Variants in GPC6 observed in about 807,000 individuals in gnomAD.
GPC6 encodes glypican 6.
Under a neutral mutation model 55.2 loss-of-function variants are expected in GPC6, and 14 were observed. The ratio of observed to expected loss-of-function variants is 0.25; its 90% confidence interval spans 0.17 to 0.40. The LOEUF is 0.40. GPC6 is among the 10% of genes least tolerant of loss of function. The pLI is 1.00. For missense variants in GPC6, 641 were observed against 708.5 expected (o/e 0.90, Z 1.08); for synonymous variants, 278 against 259.6 (o/e 1.07, Z -0.68).
the GPC6 span, among the ~76,000 whole-genome samples, chr13:93,220,674 T>G: frequency 3.3e-5 from 5 of 152,188 alleles, no homozygotes; most frequent in Non-Finnish European, 7.4e-5. Context: ...TTCCTAATGA[T>G]GTTATGAAAT....
intron 2 of GPC6, among the ~76,000 whole-genome samples, chr13:93,765,265 C>CTGGAAAGACAACTTTCCAGATAAGCTGTT: frequency 6.6e-6 from 1 of 151,972 alleles, no homozygotes; most frequent in Admixed American, 6.6e-5. Flanking sequence ...GATAAGCTGT[C>CTGGAAAGACAACTTTCCAGATAAGCTGTT]TGGAAAGACA....
At chr13:93,784,096 AC>A (rs1374154947) in intron 2 of GPC6, among the ~76,000 whole-genome samples, 1 of 152,200 alleles carries the variant, frequency 6.6e-6, no homozygotes, top group Non-Finnish European at 1.5e-5. Context: ...ACTGCTATGT[AC>A]ATAAAGCAGT....
At chr13:93,839,246 G>C (rs560851353) in intron 3 of GPC6, among the ~76,000 whole-genome samples, 1 of 152,102 alleles carries the variant, frequency 6.6e-6, no homozygotes, top group African/African-American at 2.4e-5. Context: ...GGTGTGCAAA[G>C]CTTGGTTCGT....
intron 3 of GPC6, among the ~76,000 whole-genome samples, chr13:93,977,487 TGTGTGTGTGTGTGTG>T (rs1880574692): frequency 6.8e-6 from 1 of 146,124 alleles, no homozygotes; most frequent in African/African-American, 2.5e-5. Context: ...TGTGTGTGTG[TGTGTGTGTGTGTGTG>T]TGTGTGTGTG....
chr13:93,788,324 T>C (rs1408126467), intron 2 of GPC6, among the ~76,000 whole-genome samples: 2 of 152,096 alleles, frequency 1.3e-5, no homozygotes, highest in East Asian at 3.9e-4. Flanking sequence ...GCCTCTTTTA[T>C]AGGGGCCTTT....
At chr13:93,366,941 A>G (rs944372185) in intron 1 of GPC6, among the ~76,000 whole-genome samples, 78 of 152,202 alleles carry the variant, frequency 5.1e-4, no homozygotes, top group African/African-American at 1.7e-3. Context: ...AATTACTTCA[A>G]TTATTCATTC....
At chr13:93,476,320 G>A (rs889319908) in intron 1 of GPC6, among the ~76,000 whole-genome samples, 1 of 151,926 alleles carries the variant, frequency 6.6e-6, no homozygotes, top group African/African-American at 2.4e-5. Flanking sequence ...GTGCATGCGC[G>A]CAACTAAATA....
chr13:93,814,557 T>G (rs1886791036), intron 2 of GPC6, among the ~76,000 whole-genome samples: 1 of 152,182 alleles, frequency 6.6e-6, no homozygotes, highest in Non-Finnish European at 1.5e-5. Flanking sequence ...TTCCTGTTTG[T>G]ACTTTGGAAC....
chr13:94,260,646 G>A (rs1891630821), intron 4 of GPC6, among the ~76,000 whole-genome samples: 1 of 152,066 alleles, frequency 6.6e-6, no homozygotes, highest in South Asian at 2.1e-4. Context: ...CTGAGGTGCT[G>A]GAAGTTAGGA....
At chr13:94,085,594 A>AT (rs771831649) in intron 4 of GPC6, among the ~76,000 whole-genome samples, 82 of 152,140 alleles carry the variant, frequency 5.4e-4, no homozygotes, top group Non-Finnish European at 1.1e-3. Flanking sequence ...TTATGACCTT[A>AT]TTTTTTTCAA....
chr13:93,990,976 G>A (rs924995877), intron 3 of GPC6, among the ~76,000 whole-genome samples: 4 of 151,046 alleles, frequency 2.6e-5, no homozygotes, highest in South Asian at 4.2e-4. Flanking sequence ...AAGGAAGGAA[G>A]GAAGGAAGGA....
At chr13:93,869,997 T>C (rs1238402935) in intron 3 of GPC6, among the ~76,000 whole-genome samples, 2 of 151,858 alleles carry the variant, frequency 1.3e-5, no homozygotes, top group African/African-American at 4.8e-5. Context: ...CACCTGAGCC[T>C]TACTTGACTT....
chr13:93,340,026 C>CT (rs10714044), intron 1 of GPC6, among the ~76,000 whole-genome samples: 27,992 of 81,566 alleles, frequency 0.34, 8,707 homozygotes, highest in Non-Finnish European at 0.47. Context: ...AGTTTTCTTT[C>CT]TTTTTTTTTT....
At chr13:93,744,690 A>G (rs1884334692) in intron 2 of GPC6, among the ~76,000 whole-genome samples, 1 of 151,748 alleles carries the variant, frequency 6.6e-6, no homozygotes, top group Admixed American at 6.6e-5. Flanking sequence ...CTGTAATCCC[A>G]GCACTTTGGG....
chr13:94,030,745 A>C lies in GPC6; in HGVS notation c.877+2851A>C, dbSNP rs1369090372. ...GCTACACAAATGTCCCAGTTTGTAC[A>C]TCTTATAGATGTTTTTCTTTAATTA... On this transcript the variant is annotated intron_variant, in intron 4 of 8. Transcript: ENST00000377047. Among the ~76,000 whole-genome samples the C allele has an allele frequency of 3.9e-5, 6 of 152,294 alleles. No homozygotes were observed. The East Asian group carries it at 1.2e-3, about 29-fold the overall frequency.
intron 2 of GPC6, among the ~76,000 whole-genome samples, chr13:93,786,534 T>C (rs969625802): frequency 4.5e-4 from 69 of 151,774 alleles, no homozygotes; most frequent in African/African-American, 1.5e-3. Flanking sequence ...TATTAGGACA[T>C]ACACAGCTAC....
At chr13:94,377,848 A>G (rs1414286290) in intron 6 of GPC6, among the ~76,000 whole-genome samples, 1 of 152,130 alleles carries the variant, frequency 6.6e-6, no homozygotes, top group African/African-American at 2.4e-5. Context: ...CATATACACC[A>G]TGGAATACTA....
intron 3 of GPC6, among the ~76,000 whole-genome samples, chr13:94,006,425 A>G (rs1290724243): frequency 1.3e-5 from 2 of 152,198 alleles, no homozygotes; most frequent in Non-Finnish European, 2.9e-5. Context: ...GCTTCAGGAA[A>G]GCAGATGCGC....
chr13:94,049,005 G>T (rs577854929), intron 4 of GPC6, among the ~76,000 whole-genome samples: 3 of 152,176 alleles, frequency 2.0e-5, no homozygotes, highest in Admixed American at 2.0e-4. Context: ...CACTTTGGGA[G>T]GCTGAGGCAG....
Sources: allele counts gnomAD v4.1 joint callset (sites outside exome capture counted in the v4.1 genomes callset), GRCh38; gene constraint gnomAD v4.1.1; transcripts MANE v1.5; gene names NCBI Gene and HGNC (gene_info 2026-07-23, HGNC 2026-07-21).